Variants in CUX1 observed in about 807,000 individuals in gnomAD.
The protein encoded by CUX1 is protein CASP.
Under a neutral mutation model 158.8 loss-of-function variants are expected in CUX1, and 31 were observed. The observed-to-expected ratio is 0.20, with a 90% CI of 0.15 to 0.26. The LOEUF (loss-of-function observed/expected upper bound fraction) is 0.26. Ranked by LOEUF, CUX1 falls within the 10% of genes least tolerant of loss-of-function variation. The pLI is 1.00. For synonymous variants in CUX1, 879 were observed against 862.1 expected, an observed-to-expected ratio of 1.02 and a Z score of -0.34; for missense variants, 1,589 against 2,014.6, an observed-to-expected ratio of 0.79 and a Z score of 4.04.
chr7:101,938,091 T>G (rs1300164065), intron 2 of CUX1, among the ~76,000 whole-genome samples: 2 of 152,006 alleles, frequency 1.3e-5, no homozygotes, highest in Non-Finnish European at 2.9e-5. Flanking sequence ...TACAAAAGGT[T>G]GATATCCATG....
intron 1 of CUX1, among the ~76,000 whole-genome samples, chr7:101,838,239 C>T (rs1029921895): frequency 6.6e-6 from 1 of 151,468 alleles, no homozygotes; most frequent in Admixed American, 6.6e-5. Flanking sequence ...AAGTGATTCT[C>T]TTGCCCCAGC....
chr7:102,280,683 C>A (rs540876977), intron 19 of CUX1: 5 of 977,914 alleles, frequency 5.1e-6, no homozygotes, highest in South Asian at 4.3e-5. Flanking sequence ...TGGCAGCCCC[C>A]TGGGGGTCTG....
chr7:102,039,553 G>A (rs1389225616), intron 3 of CUX1, among the ~76,000 whole-genome samples: 1 of 151,810 alleles, frequency 6.6e-6, no homozygotes, highest in African/African-American at 2.4e-5. Flanking sequence ...TACTTGGGAG[G>A]CTGATTTGGG....
intron 2 of CUX1, among the ~76,000 whole-genome samples, chr7:101,996,312 A>G (rs1330442202): frequency 6.6e-6 from 1 of 151,092 alleles, no homozygotes; most frequent in Admixed American, 6.6e-5. Flanking sequence ...GGCACAGGAC[A>G]GAAGGCTCCC....
At chr7:102,038,655 G>A (rs1294478126) in intron 3 of CUX1, among the ~76,000 whole-genome samples, 3 of 152,098 alleles carry the variant, frequency 2.0e-5, no homozygotes, top group Non-Finnish European at 4.4e-5. Flanking sequence ...AAATATATAC[G>A]CTAAAGAAAC....
Position 102,235,168 on chromosome 7 carries a change from A to G in CUX1, c.3622+928A>G, listed in dbSNP as rs539221653. On this transcript the variant is annotated intron_variant, in intron 22 of 23. Transcript: ENST00000292535. The stretch of plus-strand genomic sequence containing the variant: ...CAGCCTGTAGGCTACAGCATAGGAA[A>G]AATGCCTAAAGCCAGGTGTGCTGTG... Among the ~76,000 whole-genome samples the G allele has an allele frequency of 3.1e-4, 47 of 152,346 alleles. 1 individual carries two copies. The South Asian group carries it at 9.5e-3, about 31-fold the overall frequency.
chr7:102,269,566 C>T lies in CUX1; in HGVS notation c.1256-3800C>T, dbSNP rs543398603. ...GATTACAGGGGTCCGCCACCATGCCCGGCTAATTTTTTTTTTTTTTTTTTT... is the reference window on the plus strand; with the variant it reads ...GATTACAGGGGTCCGCCACCATGCCTGGCTAATTTTTTTTTTTTTTTTTTT... On this transcript the variant is annotated intron_variant, in intron 14 of 22. Transcript: ENST00000292538. 1.1e-4 allele frequency among the ~76,000 whole-genome samples: 15 copies of T among 139,392 alleles called. 1 individual carries two copies. Among genetic ancestry groups the T allele is most frequent in the African/African-American group, 3.0e-4 (11 of 37,230 alleles). 91.4% of individuals were successfully genotyped at this position (139,392 alleles called of 152,430 possible).
At chr7:102,124,733 G>C (rs1261502191) in intron 8 of CUX1, among the ~76,000 whole-genome samples, 1 of 152,060 alleles carries the variant, frequency 6.6e-6, no homozygotes, top group African/African-American at 2.4e-5. Context: ...AGATGTATTA[G>C]ACAGTGACTA....
intron 3 of CUX1, among the ~76,000 whole-genome samples, chr7:102,056,367 G>A (rs1478523011): frequency 6.6e-6 from 1 of 152,154 alleles, no homozygotes; most frequent in East Asian, 1.9e-4. Context: ...ACTCTCGTTA[G>A]GGGATAATGC....
At chr7:101,851,331 C>A (rs780142448) in intron 1 of CUX1, among the ~76,000 whole-genome samples, 7 of 151,954 alleles carry the variant, frequency 4.6e-5, no homozygotes, top group Non-Finnish European at 8.8e-5. Context: ...TTGGTGACAG[C>A]CCTTCTTGGC....
chr7:101,820,937 C>T (rs1414433559), intron 1 of CUX1, among the ~76,000 whole-genome samples: 1 of 152,144 alleles, frequency 6.6e-6, no homozygotes, highest in African/African-American at 2.4e-5. Flanking sequence ...AAGAGGGGCC[C>T]CACAGCCTCT....
chr7:102,082,748 G>C (rs150915544), intron 4 of CUX1, among the ~76,000 whole-genome samples: 2 of 147,082 alleles, frequency 1.4e-5, no homozygotes, highest in African/African-American at 4.9e-5. Context: ...CACTCAGCGC[G>C]GTGTTTTGGG....
At chr7:102,273,903 C>T (rs1554546954) in intron 15 of CUX1, among the ~76,000 whole-genome samples, 2 of 152,390 alleles carry the variant, frequency 1.3e-5, no homozygotes, top group Middle Eastern at 3.4e-3. Flanking sequence ...CACAGTGGGA[C>T]TCCGGGAGAG....
intron 6 of CUX1, among the ~76,000 whole-genome samples, chr7:102,108,433 G>A (rs562670997): frequency 1.5e-4 from 22 of 151,594 alleles, no homozygotes; most frequent in Non-Finnish European, 2.9e-4. Context: ...GCAACCCTCC[G>A]CTCCAGGTTG....
intron 3 of CUX1, among the ~76,000 whole-genome samples, chr7:102,049,741 A>AGG (rs1823259782): frequency 6.6e-6 from 1 of 152,182 alleles, no homozygotes; most frequent in Non-Finnish European, 1.5e-5. Context: ...GTACATAGGA[A>AGG]GGGAGAGAAA....
At chr7:102,282,608 G>T (rs1792165185) in intron 21 of CUX1, 1 of 1,229,254 alleles carries the variant, frequency 8.1e-7, no homozygotes, top group Non-Finnish European at 1.2e-6. Flanking sequence ...CGGAGTCTGG[G>T]GCTCGAGAAC....
chr7:101,919,181 G>T (rs1804588728), intron 2 of CUX1, among the ~76,000 whole-genome samples: 1 of 152,158 alleles, frequency 6.6e-6, no homozygotes, highest in South Asian at 2.1e-4. Flanking sequence ...GTTCCCTGCT[G>T]TTCCCTGTGA....
At chr7:101,957,449 G>A (rs184026393) in intron 2 of CUX1, among the ~76,000 whole-genome samples, 5 of 152,142 alleles carry the variant, frequency 3.3e-5, no homozygotes, top group South Asian at 2.1e-4. Flanking sequence ...GGCAGGGAAC[G>A]GTGGCTCACG....
chr7:101,901,530 G>A (rs985074416), intron 1 of CUX1, among the ~76,000 whole-genome samples: 2 of 152,066 alleles, frequency 1.3e-5, no homozygotes, highest in African/African-American at 4.8e-5. Context: ...CCTGACCTCA[G>A]GTGATCCACC....
Sources: gnomAD v4.1 joint callset for allele counts (sites outside exome capture counted in the v4.1 genomes callset) on GRCh38, gnomAD v4.1.1 for gene constraint, MANE v1.5 for transcripts, NCBI Gene and HGNC (gene_info 2026-07-23, HGNC 2026-07-21) for gene names.